NPLOC4: variants seen among roughly 807,000 people sequenced by gnomAD.
The protein encoded by NPLOC4 is NPL4 homolog, ubiquitin recognition factor, also known as nuclear protein localization protein 4 homolog.
In NPLOC4, 18 loss-of-function variants were observed where a neutral mutation model predicts 80.6. That is an observed-to-expected ratio of 0.22 (90% CI 0.15 to 0.33). The LOEUF is 0.33. NPLOC4 is among the 10% of genes least tolerant of loss of function. The pLI, the probability that NPLOC4 is intolerant of heterozygous loss-of-function variation, is 1.00. For synonymous variants in NPLOC4, 313 were observed against 301.5 expected (o/e 1.04, Z -0.39); for missense variants, 540 against 786.1 (o/e 0.69, Z 3.74).
intron 9 of NPLOC4, among the ~76,000 whole-genome samples, chr17:81,597,866 C>CCTCG (rs2034958698): frequency 6.7e-6 from 1 of 150,160 alleles, no homozygotes; most frequent in Non-Finnish European, 1.5e-5. Flanking sequence ...GAGGCCAAGA[C>CCTCG]GGTGGATCAC....
chr17:81,616,314 C>T (rs375021905), intron 3 of NPLOC4, among the ~76,000 whole-genome samples: 2 of 33,418 alleles, frequency 6.0e-5, no homozygotes, highest in Non-Finnish European at 9.3e-5. Context: ...TAGCAAGACT[C>T]TGTCTCAAAA....
intron 1 of NPLOC4, chr17:81,636,562 C>T (rs902829045): frequency 9.3e-6 from 2 of 214,812 alleles, no homozygotes; most frequent in African/African-American, 4.6e-5. Flanking sequence ...GCAGGACTGG[C>T]TGGGAGTCCC....
chr17:81,610,176 A>G (rs199850449), intron 5 of NPLOC4, 34 bp downstream of exon 5: 93 of 1,555,460 alleles, frequency 6.0e-5, no homozygotes, highest in Non-Finnish European at 1.2e-5. Flanking sequence ...AGCCCCCCAC[A>G]CTGGCCCAGA....
chr17:81,595,477 C>T (rs1336596417), intron 11 of NPLOC4, among the ~76,000 whole-genome samples: 25 of 140,278 alleles, frequency 1.8e-4, no homozygotes, highest in Non-Finnish European at 3.0e-4. Flanking sequence ...GATGGAGTTT[C>T]ACTCTGTCGC....
chr17:81,594,274 C>CAAAAAAAAAAAAAAA (rs869281063), intron 11 of NPLOC4, among the ~76,000 whole-genome samples: 4 of 53,666 alleles, frequency 7.5e-5, no homozygotes, highest in African/African-American at 9.9e-5. Context: ...GACTCCGTCT[C>CAAAAAAAAAAAAAAA]AAAAAAAAAA....
chr17:81,613,517 C>CT, intron 3 of NPLOC4, 23 bp from the exon 4 acceptor site: 4 of 1,597,554 alleles, frequency 2.5e-6, no homozygotes, highest in Non-Finnish European at 3.4e-6. Context: ...TAAACAGAGG[C>CT]TGATGCCTTC....
At chr17:81,564,103 C>CACACACACACACACACACACACAG (rs1568114525) in intron 16 of NPLOC4, 19 of 340,400 alleles carry the variant, frequency 5.6e-5, no homozygotes, top group Non-Finnish European at 9.9e-5. Flanking sequence ...CACACACACA[C>CACACACACACACACACACACACAG]ACACACACAC....
chr17:81,560,798 G>T (rs944193644), intron 16 of NPLOC4: 12 of 152,198 alleles, frequency 7.9e-5, no homozygotes, highest in Admixed American at 2.0e-4. Flanking sequence ...CAGTTCTCGC[G>T]AGGGTGGCAC....
chr17:81,629,705 A>C lies in NPLOC4; in HGVS notation c.96+20T>G. ...GAGGATGAAAAATATCCTGAGGGTC[A>C]ATACCCAGGCCACAGATACCTTTTT... is the stretch of plus-strand genomic sequence containing the variant. On this transcript the variant is annotated intron_variant, in intron 2 of 16. Coordinates refer to ENST00000331134, the MANE Select transcript of NPLOC4 (RefSeq NM_017921.4). 2 of 1,575,116 alleles carry C rather than the reference A, an allele frequency of 1.3e-6. No individual in the cohort carries two copies. The highest frequency in any genetic ancestry group is 1.7e-6 in the Non-Finnish European group (2 of 1,144,824).
chr17:81,631,478 T>C (rs2035930817), intron 1 of NPLOC4, among the ~76,000 whole-genome samples: 2 of 128,032 alleles, frequency 1.6e-5, no homozygotes, highest in African/African-American at 2.9e-5. Flanking sequence ...ACGGCAAGCC[T>C]AAAAAGGTTG....
At chr17:81,615,257 G>A (rs572420997) in intron 3 of NPLOC4, among the ~76,000 whole-genome samples, 26 of 151,818 alleles carry the variant, frequency 1.7e-4, no homozygotes, top group Admixed American at 9.2e-4. Flanking sequence ...GTGCCACCAC[G>A]CCCAGATACT....
At chr17:81,624,834 A>G (rs1327447058) in intron 2 of NPLOC4, among the ~76,000 whole-genome samples, 3 of 152,354 alleles carry the variant, frequency 2.0e-5, no homozygotes, top group South Asian at 2.1e-4. Context: ...AGGAGCAAGC[A>G]CAAAGACCAG....
Position 81,610,195 on chromosome 17 carries a change from C to A in NPLOC4, c.435+15G>T. ...CCCCACACTGGCCCAGAACTTACTC[C>A]GCAGAGACTCTCACCTCTAGAGGGA... On this transcript the variant is annotated intron_variant, in intron 5 of 16. Transcript: ENST00000331134. The A allele has an allele frequency of 6.4e-7, 1 of 1,566,912 alleles. No individual in the cohort carries two copies. The highest frequency in any genetic ancestry group is 8.6e-7 in the Non-Finnish European group (1 of 1,156,318).
rs1000023886 is a variant in NPLOC4 at position 81,577,138 on chromosome 17, C to T, written c.1282-5050G>A. On this transcript the variant is annotated intron_variant, in intron 12 of 16. Coordinates refer to ENST00000331134, the MANE Select transcript of NPLOC4 (RefSeq NM_017921.4). The surrounding 1 kb of genome is among the most constrained non-coding windows in gnomAD (Gnocchi z 4.3). The stretch of plus-strand genomic sequence containing the variant: ...AGGGGCAGTGGGTTCCTCAGAGATA[C>T]CCTCTGGCCCCTCCACAGCTGGCTC... 6.6e-6 allele frequency among the ~76,000 whole-genome samples: 1 copy of T among 152,108 alleles called. No homozygotes were observed. Among genetic ancestry groups the T allele is most frequent in the Non-Finnish European group, 1.5e-5 (1 of 68,018 alleles).
At chr17:81,616,271 A>AGATC (rs535207378) in intron 3 of NPLOC4, among the ~76,000 whole-genome samples, 66 of 143,416 alleles carry the variant, frequency 4.6e-4, no homozygotes, top group African/African-American at 1.6e-3. Flanking sequence ...CAGTGAGCTG[A>AGATC]GATCGCACCA....
intron 4 of NPLOC4, 53 bp downstream of exon 4, chr17:81,613,265 T>C (rs2035391764): frequency 2.0e-6 from 3 of 1,467,154 alleles, no homozygotes; most frequent in Admixed American, 2.3e-5. Flanking sequence ...TTCCCTTTAT[T>C]CACCCATTAA....
chr17:81,613,384 TCCA>T lies in NPLOC4; in HGVS notation c.317_319del (p.Val106del). 6.2e-7 allele frequency: 1 copy of T among 1,613,976 alleles called. No individual in the cohort carries two copies. Among genetic ancestry groups the T allele is most frequent in the Non-Finnish European group, 8.5e-7 (1 of 1,179,894 alleles). On this transcript the variant is annotated inframe_deletion, in exon 4 of 17. Coordinates refer to ENST00000331134, the MANE Select transcript of NPLOC4 (RefSeq NM_017921.4). ...GCTGAGGTACTGATCAATCTCATCC[TCCA>T]CCACGTTGGGAGCGCCAAAGACTTT...
At chr17:81,605,374 C>T (rs990715860) in intron 7 of NPLOC4, among the ~76,000 whole-genome samples, 5 of 151,806 alleles carry the variant, frequency 3.3e-5, no homozygotes, top group East Asian at 1.9e-4. Context: ...CAGTCAGGCA[C>T]GGTGGCTCAT....
At chr17:81,599,698 C>A (rs2035014157) in intron 9 of NPLOC4, among the ~76,000 whole-genome samples, 1 of 152,140 alleles carries the variant, frequency 6.6e-6, no homozygotes, top group African/African-American at 2.4e-5. Flanking sequence ...CATGGCTCTA[C>A]ATTAATTTAT....
Sources: gnomAD v4.1 joint callset for allele counts (sites outside exome capture counted in the v4.1 genomes callset) on GRCh38, gnomAD v4.1.1 for gene constraint, Gnocchi (gnomAD v3.1) non-coding constraint, MANE v1.5 for transcripts, NCBI Gene and HGNC (gene_info 2026-07-23, HGNC 2026-07-21) for gene names.